ICA1L: variants seen among roughly 807,000 people sequenced by gnomAD.
ICA1L encodes the protein islet cell autoantigen 1-like protein.
In ICA1L, 50 loss-of-function variants were observed where a neutral mutation model predicts 61.3. The ratio of observed to expected loss-of-function variants is 0.82; its 90% CI spans 0.65 to 1.03. The LOEUF (loss-of-function observed/expected upper bound fraction) is 1.03. Among genes scored for constraint, ICA1L ranks in the 50% least tolerant of loss-of-function variants. The pLI, the probability that ICA1L is intolerant of heterozygous loss-of-function variation, is 0.00. For synonymous variants in ICA1L, 161 were observed against 191.3 expected, an observed-to-expected ratio of 0.84 and a Z score of 1.31; for missense variants, 508 against 556.7, an observed-to-expected ratio of 0.91 and a Z score of 0.88.
At position 202,812,392 on chromosome 2, in the gene ICA1L, C is replaced by G. The variant is rs567380018; in HGVS notation, c.867-603G>C. ...AGGAATTCGAGACCAGCCTGACCAA[C>G]GTGGTGAAACCCTGTCTCTACCAAA... On this transcript the variant is annotated intron_variant, in intron 8 of 12. Transcript: ENST00000358299. 2.0e-5 allele frequency among the ~76,000 whole-genome samples: 3 copies of G among 152,214 alleles called. No homozygotes were observed. The South Asian group carries it at 6.2e-4, about 32-fold the overall frequency.
intron 1 of ICA1L, among the ~76,000 whole-genome samples, chr2:202,848,256 C>A (rs1250308670): frequency 3.9e-5 from 6 of 152,186 alleles, no homozygotes; most frequent in Non-Finnish European, 8.8e-5. Context: ...AGCCACCGCG[C>A]CCAGCCAAAC....
chr2:202,805,972 T>A (rs1046425584), intron 9 of ICA1L, among the ~76,000 whole-genome samples: 2 of 152,360 alleles, frequency 1.3e-5, no homozygotes, highest in South Asian at 4.1e-4. Context: ...GTATACGAGT[T>A]CATGATTACA....
chr2:202,831,745 G>A (rs1226952201), intron 1 of ICA1L, among the ~76,000 whole-genome samples: 1 of 152,192 alleles, frequency 6.6e-6, no homozygotes, highest in East Asian at 1.9e-4. Context: ...GGCAAAGGGA[G>A]AAAGTGACTG....
intron 1 of ICA1L, among the ~76,000 whole-genome samples, chr2:202,856,490 A>G (rs1292443089): frequency 6.6e-6 from 1 of 152,230 alleles, no homozygotes; most frequent in East Asian, 1.9e-4. Context: ...TCAAAATAAT[A>G]AAAGCTATTT....
chr2:202,778,576 T>G lies in ICA1L; in HGVS notation c.*957A>C, dbSNP rs1010053111. Reference sequence around the variant, plus strand: ...AATATGAGATAAGTATGCAAATATATGTAAGGATAAGGTGTTCATAAGTGT... The same window carrying G: ...AATATGAGATAAGTATGCAAATATAGGTAAGGATAAGGTGTTCATAAGTGT... On this transcript the variant is annotated 3_prime_UTR_variant, in exon 13 of 13. Coordinates refer to ENST00000358299, the MANE Select transcript of ICA1L (RefSeq NM_001288622.3). The G allele has an allele frequency of 6.6e-6, 1 of 152,224 alleles. No homozygotes were observed. Among genetic ancestry groups the G allele is most frequent in the African/African-American group, 2.4e-5 (1 of 41,446 alleles). 9.4% of individuals were successfully genotyped at this position (152,224 alleles called of 1,614,324 possible). A position where few individuals can be genotyped will look rare whatever the true frequency, so the allele number is the denominator to read the frequency against.
At position 202,793,753 on chromosome 2, in the gene ICA1L, G is replaced by A. The variant is rs185462823; in HGVS notation, c.985+3137C>T. Among the ~76,000 whole-genome samples, 290 of 151,968 alleles carry A rather than the reference G, an allele frequency of 1.9e-3. 3 individuals carry two copies. Among genetic ancestry groups the A allele is most frequent in the East Asian group, 5.4e-3 (28 of 5,164 alleles). On this transcript the variant is annotated intron_variant, in intron 10 of 12. Coordinates refer to ENST00000358299, the MANE Select transcript of ICA1L (RefSeq NM_001288622.3). Reference sequence around the variant, plus strand: ...TGTAATCCCAGCACTTTGGGAGGCCGAGGCTGGTGGAGCACCTGAGGTCAG... The same window carrying A: ...TGTAATCCCAGCACTTTGGGAGGCCAAGGCTGGTGGAGCACCTGAGGTCAG...
At chr2:202,819,553 T>C in intron 5 of ICA1L, 148 bp downstream of exon 5, 1 of 639,128 alleles carries the variant, frequency 1.6e-6, no homozygotes, top group South Asian at 2.0e-5. Context: ...GACAAACTTT[T>C]GTACTTCAAC....
chr2:202,839,370 G>A (rs905463483), intron 1 of ICA1L, among the ~76,000 whole-genome samples: 7 of 151,864 alleles, frequency 4.6e-5, no homozygotes, highest in Non-Finnish European at 7.4e-5. Flanking sequence ...GTGGTGGCAG[G>A]CACCTGTAGT....
intron 2 of ICA1L, 27 bp from the exon 3 acceptor site, chr2:202,825,794 A>G (rs1693828110): frequency 7.0e-7 from 1 of 1,420,710 alleles, no homozygotes; most frequent in Non-Finnish European, 9.6e-7. Context: ...TATTAGGACA[A>G]TTTAAAGAAC....
intron 1 of ICA1L, among the ~76,000 whole-genome samples, chr2:202,865,627 T>C (rs976308833): frequency 2.0e-5 from 3 of 152,212 alleles, no homozygotes; most frequent in Non-Finnish European, 2.9e-5. Context: ...GATGTCTTTA[T>C]TCACAGGTGA....
chr2:202,817,587 A>T, intron 5 of ICA1L, 44 bp from the exon 6 acceptor site: 4 of 1,113,812 alleles, frequency 3.6e-6, no homozygotes, highest in Non-Finnish European at 3.8e-6. Context: ...TATACTATAA[A>T]TATAGTATGT....
intron 2 of ICA1L, among the ~76,000 whole-genome samples, chr2:202,827,230 CT>C (rs1327337576): frequency 1.3e-5 from 2 of 152,100 alleles, no homozygotes; most frequent in African/African-American, 2.4e-5. Flanking sequence ...CCTGTCTCTA[CT>C]AAAAATACAA....
At chr2:202,818,569 T>C (rs1459396336) in intron 5 of ICA1L, among the ~76,000 whole-genome samples, 2 of 152,166 alleles carry the variant, frequency 1.3e-5, no homozygotes, top group African/African-American at 4.8e-5. Flanking sequence ...CCACATGTTA[T>C]GGGAGGGACC....
At chr2:202,863,719 C>A (rs994573313) in intron 1 of ICA1L, among the ~76,000 whole-genome samples, 1 of 149,004 alleles carries the variant, frequency 6.7e-6, no homozygotes, top group African/African-American at 2.5e-5. Context: ...CCCAGCTATT[C>A]GGGAGGCTGA....
Position 202,868,547 on chromosome 2 carries a change from T to G in ICA1L, c.-8+3072A>C, listed in dbSNP as rs182740643. 5.0e-3 allele frequency among the ~76,000 whole-genome samples: 768 copies of G among 152,340 alleles called. 7 individuals carry two copies. The highest frequency in any genetic ancestry group is 0.018 in the African/African-American group (730 of 41,588). On this transcript the variant is annotated intron_variant, in intron 1 of 12. Transcript: ENST00000358299. The stretch of plus-strand genomic sequence containing the variant: ...TGCAAGACACACAGTAGATACTCAA[T>G]AAGTATTTACCAAATGAATGTCTAC...
Position 202,779,491 on chromosome 2 carries a change from A to G in ICA1L, c.*42T>C. The G allele has an allele frequency of 1.6e-6, 2 of 1,228,890 alleles. No homozygotes were observed. The highest frequency in any genetic ancestry group is 2.4e-6 in the Non-Finnish European group (2 of 845,496). The allele number at this position is 1,228,890 out of a possible 1,614,324, so 76.1% of individuals were successfully genotyped here. On this transcript the variant is annotated 3_prime_UTR_variant, in exon 13 of 13. Transcript: ENST00000358299. ...TTTCCACGAAGGAAATACGTTGCAAAATTGATGTCTCAAGGCCACTGAAGT... is the reference window on the plus strand; with the variant it reads ...TTTCCACGAAGGAAATACGTTGCAAGATTGATGTCTCAAGGCCACTGAAGT...
chr2:202,847,040 C>T lies in ICA1L; in HGVS notation c.-7-18024G>A, dbSNP rs2105877141. 1.3e-5 allele frequency among the ~76,000 whole-genome samples: 2 copies of T among 152,254 alleles called. 1 individual carries two copies. The highest frequency in any genetic ancestry group is 4.1e-4 in the South Asian group (2 of 4,822). On this transcript the variant is annotated intron_variant, in intron 1 of 12. Transcript: ENST00000358299. ...TATGTTGAAGAAAAACAGATTTTAA[C>T]AGCAGGAGGCAAGGAAATACTATTC...
intron 9 of ICA1L, among the ~76,000 whole-genome samples, chr2:202,798,571 C>T (rs1693002533): frequency 6.6e-6 from 1 of 152,114 alleles, no homozygotes; most frequent in African/African-American, 2.4e-5. Context: ...ATAATTTGTA[C>T]ATATTTGTGG....
chr2:202,830,121 C>A (rs957627893), intron 1 of ICA1L, among the ~76,000 whole-genome samples: 1 of 152,156 alleles, frequency 6.6e-6, no homozygotes, highest in Non-Finnish European at 1.5e-5. Flanking sequence ...ATGCTAGGTG[C>A]AGTGGCTCAT....
Sources: allele counts gnomAD v4.1 joint callset (sites outside exome capture counted in the v4.1 genomes callset), GRCh38; gene constraint gnomAD v4.1.1; transcripts MANE v1.5; gene names NCBI Gene and HGNC (gene_info 2026-07-23, HGNC 2026-07-21).